Variants in COBLL1 observed in about 807,000 individuals in gnomAD.
COBLL1 encodes cordon-bleu WH2 repeat protein like 1.
Under a neutral mutation model 94.8 loss-of-function variants are expected in COBLL1, and 50 were observed. The observed-to-expected ratio is 0.53, with a 90% CI of 0.42 to 0.67. The LOEUF (loss-of-function observed/expected upper bound fraction) is 0.67, where lower values mean the gene tolerates loss of function less well. Among genes scored for constraint, COBLL1 ranks in the 30% least tolerant of loss-of-function variants. The pLI, the probability that COBLL1 is intolerant of heterozygous loss-of-function variation, is 0.00. For missense variants in COBLL1, 1,362 were observed against 1,348.7 expected (o/e 1.01, Z -0.15); for synonymous variants, 448 against 473.8 (o/e 0.95, Z 0.71).
chr2:164,809,333 C>T (rs764877525), intron 2 of COBLL1, among the ~76,000 whole-genome samples: 13 of 152,104 alleles, frequency 8.5e-5, no homozygotes, highest in Non-Finnish European at 1.8e-4. Flanking sequence ...AAGTACCAAA[C>T]ATAATGAACT....
chr2:164,842,038 G>A (rs867227500), upstream of COBLL1: 6 of 1,535,030 alleles, frequency 3.9e-6, no homozygotes, highest in African/African-American at 6.9e-5. Context: ...GACCAGCTCG[G>A]CGGCATTGGA....
In COBLL1 at chr2:164,695,684, T is replaced by G. The variant is rs766481813; in HGVS notation, c.1708A>C (p.Thr570Pro). ...TCCTTGTAACTTATAGCAGTATCAG[T>G]TTCATGTGCCTCAGAGTTTGATGGT... ...ERPSNSEAHETDTAISYKENH... is the reference protein window; with the variant it reads ...ERPSNSEAHEPDTAISYKENH... The change falls in exon 12 of 14, where the codon ACT (threonine) becomes CCT (proline). Residue 570 changes from threonine (T) to proline (P), a missense_variant. Thr to Pro is a conservative substitution (Grantham distance 38). Transcript: ENST00000652658. 1.9e-6 allele frequency: 3 copies of G among 1,613,764 alleles called. No individual in the cohort carries two copies. In the African/African-American group the frequency reaches 4.0e-5, roughly 22 times the overall value.
At chr2:164,678,436 A>G (rs992668216), downstream of COBLL1, among the ~76,000 whole-genome samples, 1 of 152,152 alleles carries the variant, frequency 6.6e-6, no homozygotes, top group African/African-American at 2.4e-5. Context: ...ATCTGAAACC[A>G]TACAAAAAAC....
intron 2 of COBLL1, among the ~76,000 whole-genome samples, chr2:164,806,944 T>C (rs1400203399): frequency 6.6e-6 from 1 of 152,072 alleles, no homozygotes; most frequent in East Asian, 1.9e-4. Flanking sequence ...GAGCTCAGGT[T>C]ATCCTCCTGC....
chr2:164,746,931 A>C (rs1023730200), intron 2 of COBLL1, among the ~76,000 whole-genome samples: 1 of 152,084 alleles, frequency 6.6e-6, no homozygotes, highest in African/African-American at 2.4e-5. Context: ...CAACATACTT[A>C]TGTCTCCTTC....
Position 164,773,866 on chromosome 2 carries a change from G to A in COBLL1, c.42-29991C>T, listed in dbSNP as rs539522792. ...ACCTCTGGCAAATATGTAAAAGAAG[G>A]AATTCACTGGTCTTATCCAATCATT... On this transcript the variant is annotated intron_variant, in intron 2 of 13. Transcript: ENST00000652658. 33 of 396,802 alleles carry A rather than the reference G, an allele frequency of 8.3e-5. 1 individual carries two copies. The South Asian group carries it at 1.5e-3, about 18-fold the overall frequency. The allele number at this position is 396,802 out of a possible 1,614,324, so 24.6% of individuals were successfully genotyped here.
At position 164,705,115 on chromosome 2, in the gene COBLL1, A is replaced by C; in HGVS notation, c.997-10T>G. 2 of 1,496,770 alleles carry C rather than the reference A, an allele frequency of 1.3e-6. No homozygotes were observed. Among genetic ancestry groups the C allele is most frequent in the Non-Finnish European group, 1.8e-6 (2 of 1,124,526 alleles). The allele number at this position is 1,496,770 out of a possible 1,614,324, so 92.7% of individuals were successfully genotyped here. A position where few individuals can be genotyped will look rare whatever the true frequency, so the allele number is the denominator to read the frequency against. ...CTGCTTCACAGGGACTCTGGAAAAC[A>C]AAATGACCAAATAAAATCCTACATT... On this transcript the variant is annotated splice_polypyrimidine_tract_variant and intron_variant, in intron 7 of 13. Transcript: ENST00000652658.
At chr2:164,666,136 T>C (rs1251655946) in intron 1 of COBLL1, among the ~76,000 whole-genome samples, 1 of 152,164 alleles carries the variant, frequency 6.6e-6, no homozygotes, top group African/African-American at 2.4e-5. Context: ...TATATGTCAA[T>C]TAGAAAATAA....
chr2:164,721,851 A>G, intron 7 of COBLL1: 1 of 307,708 alleles, frequency 3.2e-6, no homozygotes. Context: ...ATGGACATTT[A>G]TCCTTTACTG....
chr2:164,798,364 G>T (rs925239056), intron 2 of COBLL1, among the ~76,000 whole-genome samples: 1 of 152,166 alleles, frequency 6.6e-6, no homozygotes, highest in Non-Finnish European at 1.5e-5. Context: ...GCTGCCAGCA[G>T]AGTCTTAAAT....
chr2:164,802,037 T>G (rs1683836411), intron 2 of COBLL1, among the ~76,000 whole-genome samples: 2 of 152,206 alleles, frequency 1.3e-5, no homozygotes, highest in Admixed American at 1.3e-4. Flanking sequence ...CATTTTAGCT[T>G]AGAACCTAGA....
intron 2 of COBLL1, among the ~76,000 whole-genome samples, chr2:164,818,266 A>G (rs1036911965): frequency 9.4e-6 from 1 of 106,104 alleles, no homozygotes; most frequent in African/African-American, 3.7e-5. Context: ...ACACATATAC[A>G]CGTATGTATG....
intron 2 of COBLL1, among the ~76,000 whole-genome samples, chr2:164,776,565 CTGTT>C (rs918226252): frequency 2.1e-5 from 3 of 141,108 alleles, no homozygotes; most frequent in African/African-American, 8.5e-5. Flanking sequence ...GCATTTATCA[CTGTT>C]TTTTTTTAAT....
intron 7 of COBLL1, among the ~76,000 whole-genome samples, chr2:164,715,571 T>C (rs1869525): frequency 0.43 from 64,803 of 151,788 alleles, 13,926 homozygotes; most frequent in African/African-American, 0.47. Flanking sequence ...TACCTGTACA[T>C]TTCATAAGTA....
intron 1 of COBLL1, among the ~76,000 whole-genome samples, chr2:164,668,771 G>C (rs765971234): frequency 2.0e-5 from 3 of 152,204 alleles, no homozygotes; most frequent in South Asian, 4.1e-4. Context: ...AAAACATTCT[G>C]TGGATGTTTA....
intron 2 of COBLL1, among the ~76,000 whole-genome samples, chr2:164,805,325 C>T (rs867101514): frequency 3.2e-5 from 1 of 31,528 alleles, no homozygotes; most frequent in African/African-American, 1.2e-4. Flanking sequence ...CTCTCTCTCT[C>T]TCTCTCTCTC....
At chr2:164,703,852 A>G (rs1684445217) in intron 9 of COBLL1, among the ~76,000 whole-genome samples, 1 of 152,204 alleles carries the variant, frequency 6.6e-6, no homozygotes, top group African/African-American at 2.4e-5. Flanking sequence ...CATTTTTATC[A>G]TACTTCTTAG....
intron 2 of COBLL1, among the ~76,000 whole-genome samples, chr2:164,664,064 G>T (rs900784831): frequency 6.6e-6 from 1 of 152,144 alleles, no homozygotes; most frequent in African/African-American, 2.4e-5. Context: ...CCTAGAAGAG[G>T]CTTCACAGAT....
chr2:164,822,726 ATTATATTATAT>A (rs1306540788), intron 2 of COBLL1, among the ~76,000 whole-genome samples: 18 of 74,556 alleles, frequency 2.4e-4, no homozygotes, highest in African/African-American at 1.1e-3. Flanking sequence ...CTCTGAAAAG[ATTATATTATAT>A]TATTATTATT....
Sources: allele counts gnomAD v4.1 joint callset (sites outside exome capture counted in the v4.1 genomes callset), GRCh38; gene constraint gnomAD v4.1.1; transcripts MANE v1.5; gene names NCBI Gene and HGNC (gene_info 2026-07-23, HGNC 2026-07-21).